MRTFA: variants seen among roughly 807,000 people sequenced by gnomAD.
The protein encoded by MRTFA is myocardin-related transcription factor A.
MRTFA carries 20 observed loss-of-function variants against 83.5 expected under a neutral mutation model. The ratio of observed to expected loss-of-function variants is 0.24; its 90% confidence interval spans 0.17 to 0.35. MRTFA has a LOEUF of 0.35. Ranked by LOEUF, MRTFA falls within the 10% of genes least tolerant of loss-of-function variation. MRTFA has a pLI of 1.00. For synonymous variants in MRTFA, 659 were observed against 541.2 expected, an observed-to-expected ratio of 1.22 and a Z score of -3.02; for missense variants, 1,200 against 1,224.7, an observed-to-expected ratio of 0.98 and a Z score of 0.30.
At chr22:40,519,246 C>T (rs1196820660) in intron 3 of MRTFA, among the ~76,000 whole-genome samples, 1 of 151,954 alleles carries the variant, frequency 6.6e-6, no homozygotes, top group Admixed American at 6.6e-5. Context: ...CTTGGTGGGA[C>T]CCGAAAAATG....
intron 1 of MRTFA, among the ~76,000 whole-genome samples, chr22:40,626,418 G>A (rs1272063216): frequency 2.6e-5 from 4 of 152,106 alleles, no homozygotes; most frequent in Non-Finnish European, 5.9e-5. Flanking sequence ...CAAGTTTCCA[G>A]AGTAGCTGGG....
intron 3 of MRTFA, among the ~76,000 whole-genome samples, chr22:40,472,649 C>G (rs1001486989): frequency 5.3e-5 from 8 of 152,156 alleles, no homozygotes; most frequent in Non-Finnish European, 7.3e-5. Context: ...TAGGAGGTGT[C>G]AACTCCCATC....
chr22:40,624,370 G>C (rs1381109032), intron 1 of MRTFA, among the ~76,000 whole-genome samples: 1 of 148,446 alleles, frequency 6.7e-6, no homozygotes. Flanking sequence ...AGGTTGCAGG[G>C]AGCCGAGATC....
chr22:40,626,921 A>C (rs1373361426), intron 1 of MRTFA, among the ~76,000 whole-genome samples: 1 of 151,666 alleles, frequency 6.6e-6, no homozygotes, highest in Non-Finnish European at 1.5e-5. Flanking sequence ...CAAAGTTTCA[A>C]CCATGATAAC....
intron 3 of MRTFA, among the ~76,000 whole-genome samples, chr22:40,546,314 A>C (rs1481274274): frequency 6.6e-6 from 1 of 152,220 alleles, no homozygotes; most frequent in African/African-American, 2.4e-5. Context: ...TGAATGCTGG[A>C]GAGTAACAAA....
At chr22:40,565,795 C>G (rs761018906) in intron 2 of MRTFA, among the ~76,000 whole-genome samples, 72 of 152,096 alleles carry the variant, frequency 4.7e-4, no homozygotes, top group Non-Finnish European at 9.1e-4. Flanking sequence ...GATTAAATGA[C>G]CAAAAGAGGT....
chr22:40,611,158 C>T (rs1424923066), intron 1 of MRTFA, among the ~76,000 whole-genome samples: 4 of 151,988 alleles, frequency 2.6e-5, no homozygotes, highest in Non-Finnish European at 5.9e-5. Flanking sequence ...AGGCTGGTCT[C>T]GAACTCCTGA....
At chr22:40,425,722 G>A (rs541248163) in intron 7 of MRTFA, among the ~76,000 whole-genome samples, 1 of 152,304 alleles carries the variant, frequency 6.6e-6, no homozygotes, top group South Asian at 2.1e-4. Context: ...TCCTACTTCC[G>A]GCAACGGCAT....
intron 4 of MRTFA, among the ~76,000 whole-genome samples, chr22:40,453,774 G>A (rs980702653): frequency 1.3e-5 from 2 of 152,134 alleles, no homozygotes; most frequent in African/African-American, 4.8e-5. Context: ...ATGGAGGACA[G>A]ATCACTCTCA....
intron 3 of MRTFA, among the ~76,000 whole-genome samples, chr22:40,492,377 G>A (rs2054286210): frequency 6.6e-6 from 1 of 152,158 alleles, no homozygotes; most frequent in African/African-American, 2.4e-5. Flanking sequence ...ATTTCTTCCT[G>A]TCAGCACTGG....
At chr22:40,438,916 G>C (rs1286143289) in intron 4 of MRTFA, among the ~76,000 whole-genome samples, 3 of 152,170 alleles carry the variant, frequency 2.0e-5, no homozygotes, top group Admixed American at 1.3e-4. Context: ...ACATTTTCAT[G>C]TAATGGCAAG....
intron 3 of MRTFA, chr22:40,526,667 G>C (rs190315656): frequency 3.3e-5 from 5 of 152,194 alleles, no homozygotes; most frequent in African/African-American, 1.2e-4. Flanking sequence ...ATGTAATCGT[G>C]TTTAAACTCA....
At chr22:40,550,890 T>C (rs2055434960) in intron 3 of MRTFA, among the ~76,000 whole-genome samples, 1 of 150,412 alleles carries the variant, frequency 6.6e-6, no homozygotes, top group African/African-American at 2.4e-5. Context: ...TTGCTCTTGT[T>C]GCCCAGGCTG....
intron 3 of MRTFA, among the ~76,000 whole-genome samples, chr22:40,477,555 A>C (rs972140184): frequency 6.6e-6 from 1 of 152,084 alleles, no homozygotes; most frequent in Admixed American, 6.6e-5. Context: ...AAAGACCACA[A>C]TGTACATGAA....
intron 1 of MRTFA, among the ~76,000 whole-genome samples, chr22:40,605,635 C>G (rs574211324): frequency 6.6e-6 from 1 of 152,196 alleles, no homozygotes; most frequent in African/African-American, 2.4e-5. Flanking sequence ...ATGGATTGAT[C>G]GAGAATAATT....
At chr22:40,509,759 G>A (rs144381312) in intron 3 of MRTFA, among the ~76,000 whole-genome samples, 53 of 152,078 alleles carry the variant, frequency 3.5e-4, no homozygotes, top group African/African-American at 1.3e-3. Flanking sequence ...CTTCCTGTTT[G>A]GGCAGGTCTT....
intron 1 of MRTFA, among the ~76,000 whole-genome samples, chr22:40,615,447 T>C (rs1286193683): frequency 2.6e-5 from 4 of 152,228 alleles, no homozygotes; most frequent in African/African-American, 9.6e-5. Flanking sequence ...TTGGCTATTA[T>C]AGGTCCCTTG....
intron 4 of MRTFA, among the ~76,000 whole-genome samples, chr22:40,462,518 T>C (rs1419794014): frequency 1.3e-5 from 2 of 152,222 alleles, no homozygotes; most frequent in African/African-American, 4.8e-5. Context: ...CTATGTTCTC[T>C]GCTGATGATT....
At chr22:40,483,557 C>T (rs943367670) in intron 3 of MRTFA, among the ~76,000 whole-genome samples, 4 of 151,224 alleles carry the variant, frequency 2.6e-5, no homozygotes, top group African/African-American at 7.3e-5. Context: ...TGGTGGGGGG[C>T]GCCTGTAGTC....
Sources: gnomAD v4.1 joint callset for allele counts (sites outside exome capture counted in the v4.1 genomes callset) on GRCh38, gnomAD v4.1.1 for gene constraint, MANE v1.5 for transcripts, NCBI Gene and HGNC (gene_info 2026-07-23, HGNC 2026-07-21) for gene names.